The following ZNF2 variants were observed in gnomAD, a reference collection of about 807,000 sequenced individuals.
ZNF2 encodes zinc finger protein 2.
Under a neutral mutation model 21.9 loss-of-function variants are expected in ZNF2, and 12 were observed. That is an observed-to-expected ratio of 0.55 (90% CI 0.35 to 0.89). The LOEUF (loss-of-function observed/expected upper bound fraction) is 0.89. ZNF2 is among the 40% of genes least tolerant of loss of function. The pLI is 0.01. For synonymous variants in ZNF2, 186 were observed against 196.3 expected (o/e 0.95, Z 0.44); for missense variants, 462 against 544.2 (o/e 0.85, Z 1.50).
Position 95,180,319 on chromosome 2 carries a change from G to A in ZNF2, c.274+47G>A, listed in dbSNP as rs745309301. 1.5e-5 allele frequency: 19 copies of A among 1,303,986 alleles called. No individual in the cohort carries two copies. In the Middle Eastern group the frequency reaches 7.4e-4, roughly 51 times the overall value. The allele number at this position is 1,303,986 out of a possible 1,614,324, so 80.8% of individuals were successfully genotyped here. ...AGAATGGAATTTTGTTTGGCTTTTTGTTATTTGGGTGATGGGGGAAATAAC... is the reference window on the plus strand; with the variant it reads ...AGAATGGAATTTTGTTTGGCTTTTTATTATTTGGGTGATGGGGGAAATAAC... On this transcript the variant is annotated intron_variant, in intron 4 of 4. Transcript: ENST00000614034.
In ZNF2 at chr2:95,171,251, T is replaced by G. The variant is rs192400484; in HGVS notation, c.-39-4937T>G. Among the ~76,000 whole-genome samples the G allele has an allele frequency of 4.9e-3, 752 of 152,280 alleles. 6 individuals carry two copies. Among genetic ancestry groups the G allele is most frequent in the Non-Finnish European group, 7.8e-3 (528 of 68,024 alleles). On this transcript the variant is annotated intron_variant, in intron 1 of 4. Transcript: ENST00000614034. ...CTGTACTCATTGGTTTTCCCTTCAG[T>G]CCTTCTCTGTACCTTATCTCCATGA...
At chr2:95,172,172 A>C (rs555844177) in intron 1 of ZNF2, among the ~76,000 whole-genome samples, 1 of 152,334 alleles carries the variant, frequency 6.6e-6, no homozygotes, top group East Asian at 1.9e-4. Flanking sequence ...GCTAAGTCAC[A>C]TAGGCACCGT....
At position 95,181,662 on chromosome 2, in the gene ZNF2, T is replaced by A; in HGVS notation, c.834T>A (p.Ile278=). The change falls in exon 5 of 5, where the codon ATT becomes ATA. Residue 278 remains isoleucine (I), a synonymous_variant. Coordinates refer to ENST00000614034, the MANE Select transcript of ZNF2 (RefSeq NM_021088.4). ...CATCCCTTACTCGACACCAGAGAAT[T>A]CACACTGGAGAAAGTCCTTATGAAT... ...DRSSLTRHQR[I]HTGESPYECH... is the part of the protein sequence containing the mutation. The A allele has an allele frequency of 6.2e-7, 1 of 1,614,178 alleles. No homozygotes were observed.
Position 95,181,988 on chromosome 2 carries a change from A to C in ZNF2, c.1160A>C (p.His387Pro). The C allele has an allele frequency of 6.2e-7, 1 of 1,614,290 alleles. No homozygotes were observed. Among genetic ancestry groups the C allele is most frequent in the Non-Finnish European group, 8.5e-7 (1 of 1,180,056 alleles). Residue 387 changes from histidine to proline, a missense_variant, in exon 5 of 5, where the codon CAT (histidine) becomes CCT (proline). Physicochemically the swap from His to Pro is moderately conservative, Grantham distance 77 (BLOSUM62 -2). Coordinates refer to ENST00000614034, the MANE Select transcript of ZNF2 (RefSeq NM_021088.4). ...AFSQRCRLTR[H>P]QRVHTGEKPF... Reference sequence around the variant, plus strand: ...AGCCAGCGGTGCCGGCTCACGCGGCATCAGCGTGTCCACACGGGAGAGAAG... The same window carrying C: ...AGCCAGCGGTGCCGGCTCACGCGGCCTCAGCGTGTCCACACGGGAGAGAAG...
intron 3 of ZNF2, 115 bp downstream of exon 3, chr2:95,177,724 AAAGT>A (rs1674496730): frequency 7.5e-7 from 1 of 1,340,884 alleles, no homozygotes; most frequent in Non-Finnish European, 1.0e-6. Flanking sequence ...CCTGAGAGAT[AAAGT>A]AAGAGTCGAA....
intron 1 of ZNF2, among the ~76,000 whole-genome samples, chr2:95,167,115 T>C (rs1176954539): frequency 6.6e-6 from 1 of 152,214 alleles, no homozygotes; most frequent in Non-Finnish European, 1.5e-5. Flanking sequence ...ACAGCAATTT[T>C]AGTGGTTGGA....
At chr2:95,171,509 A>G (rs145796636) in intron 1 of ZNF2, among the ~76,000 whole-genome samples, 2,856 of 151,802 alleles carry the variant, frequency 0.019, 45 homozygotes, top group Non-Finnish European at 0.029. Context: ...CAGCCTCCCA[A>G]GTAGCTGGGA....
At chr2:95,167,523 A>AG (rs1283876490) in intron 1 of ZNF2, among the ~76,000 whole-genome samples, 2 of 150,946 alleles carry the variant, frequency 1.3e-5, no homozygotes, top group East Asian at 1.9e-4. Context: ...AAAAAAAAAA[A>AG]AAAGAAAGAA....
chr2:95,177,600 G>A lies in ZNF2; in HGVS notation c.151G>A (p.Val51Met), dbSNP rs755355546. ...GATGCTGGAGAACTATAACAGCATTGTGTCATTGGGTAAGGGGAGCCTCCA... is the reference window on the plus strand; with the variant it reads ...GATGCTGGAGAACTATAACAGCATTATGTCATTGGGTAAGGGGAGCCTCCA... ...EVMLENYNSI[V>M]SLGLPVPQPD... The change falls in exon 3 of 5, where the codon GTG (valine) becomes ATG (methionine). Residue 51 changes from valine (V) to methionine (M), a missense_variant. Transcript: ENST00000614034. The A allele has an allele frequency of 6.2e-7, 1 of 1,613,624 alleles. No individual in the cohort carries two copies. The highest frequency in any genetic ancestry group is 1.3e-5 in the African/African-American group (1 of 74,916).
chr2:95,181,429 T>G lies in ZNF2; in HGVS notation c.601T>G (p.Tyr201Asp). ...GAGGACTCACACTGGGGAGAAGCCC[T>G]ACGACTGCCGCGAGTGTGGGAAAGC... ...HQRTHTGEKP[Y>D]DCRECGKAFS... The change falls in exon 5 of 5, where the codon TAC becomes GAC. Residue 201 changes from tyrosine (Y) to aspartate (D), a missense_variant. Tyr to Asp is a radical substitution (Grantham distance 160, BLOSUM62 -3). Coordinates refer to ENST00000614034, the MANE Select transcript of ZNF2 (RefSeq NM_021088.4). 3 of 1,614,194 alleles carry G rather than the reference T, an allele frequency of 1.9e-6. No individual in the cohort carries two copies. The highest frequency in any genetic ancestry group is 1.7e-6 in the Non-Finnish European group (2 of 1,180,018).
chr2:95,180,550 C>T (rs1329107481), intron 4 of ZNF2, among the ~76,000 whole-genome samples: 1 of 149,676 alleles, frequency 6.7e-6, no homozygotes, highest in Non-Finnish European at 1.5e-5. Context: ...CGCTCTGTTG[C>T]CCAGGCTGGA....
chr2:95,171,522 A>G (rs1674270020), intron 1 of ZNF2, among the ~76,000 whole-genome samples: 1 of 151,832 alleles, frequency 6.6e-6, no homozygotes, highest in Middle Eastern at 3.4e-3. Context: ...AGCTGGGATT[A>G]CAGGTGCCTG....
Position 95,181,520 on chromosome 2 carries a change from G to A in ZNF2, c.692G>A (p.Cys231Tyr). Residue 231 changes from cysteine (C) to tyrosine (Y), a missense_variant, in exon 5 of 5, where the codon TGC (cysteine) becomes TAC (tyrosine). Cys to Tyr is a radical substitution (Grantham distance 194). Coordinates refer to ENST00000614034, the MANE Select transcript of ZNF2 (RefSeq NM_021088.4). ...MSHTGESPYE[C>Y]SVCSKAFFDR... Reference sequence around the variant, plus strand: ...CACACTGGGGAGAGCCCCTACGAGTGCAGTGTGTGCTCAAAAGCCTTCTTT... The same window carrying A: ...CACACTGGGGAGAGCCCCTACGAGTACAGTGTGTGCTCAAAAGCCTTCTTT... The A allele has an allele frequency of 6.2e-7, 1 of 1,614,232 alleles. No individual in the cohort carries two copies. Among genetic ancestry groups the A allele is most frequent in the South Asian group, 1.1e-5 (1 of 91,086 alleles).
rs1033019188 is a variant in ZNF2, at chr2:95,182,738, C to T, written c.*632C>T. 2.0e-5 allele frequency: 3 copies of T among 152,684 alleles called. No individual in the cohort carries two copies. The highest frequency in any genetic ancestry group is 7.2e-5 in the African/African-American group (3 of 41,460). The allele number at this position is 152,684 out of a possible 1,614,324, so 9.5% of individuals were successfully genotyped here. ...CCTGAGGTTTAGAGAGATTAAATCA[C>T]TTGCCCAAGGTGAACCAGCTGGTAA... On this transcript the variant is annotated 3_prime_UTR_variant, in exon 5 of 5. Coordinates refer to ENST00000614034, the MANE Select transcript of ZNF2 (RefSeq NM_021088.4).
chr2:95,171,289 T>C (rs887486844), intron 1 of ZNF2, among the ~76,000 whole-genome samples: 30 of 152,134 alleles, frequency 2.0e-4, no homozygotes, highest in Non-Finnish European at 3.7e-4. Flanking sequence ...GGCATCGTTA[T>C]CCATGCCGCA....
intron 3 of ZNF2, among the ~76,000 whole-genome samples, chr2:95,179,686 C>T (rs566055493): frequency 1.3e-5 from 2 of 152,334 alleles, no homozygotes; most frequent in Admixed American, 6.5e-5. Flanking sequence ...TCCTGGCCTC[C>T]GTCCAGAGGT....
intron 1 of ZNF2, 149 bp from the exon 2 acceptor site, chr2:95,176,039 G>A: frequency 1.3e-6 from 1 of 752,552 alleles, no homozygotes; most frequent in Non-Finnish European, 2.3e-6. Context: ...GTCTGGGATT[G>A]TTCCTGGCTT....
In ZNF2 at chr2:95,182,709, G is replaced by C. The variant is rs1182387821; in HGVS notation, c.*603G>C. 6.5e-6 allele frequency: 1 copy of C among 152,828 alleles called. No individual in the cohort carries two copies. The highest frequency in any genetic ancestry group is 1.5e-5 in the Non-Finnish European group (1 of 68,224). The allele number at this position is 152,828 out of a possible 1,614,324, so 9.5% of individuals were successfully genotyped here. ...TGTTACCATCTGCATCTCCAGATGA[G>C]CACCCTGAGGTTTAGAGAGATTAAA... On this transcript the variant is annotated 3_prime_UTR_variant, in exon 5 of 5. Coordinates refer to ENST00000614034, the MANE Select transcript of ZNF2 (RefSeq NM_021088.4).
In ZNF2 at chr2:95,181,402, C is replaced by T; in HGVS notation, c.574C>T (p.Gln192Ter). ...FFDHSSLTRH[Q>*]RTHTGEKPYD... ...TGACCACTCATCCCTCACCCGCCAT[C>T]AGAGGACTCACACTGGGGAGAAGCC... Residue 192 changes from glutamine (Q) to a stop codon, truncating the protein, a stop_gained, in exon 5 of 5, where the codon CAG (glutamine) becomes TAG (stop). Transcript: ENST00000614034. LOFTEE classifies it high-confidence loss of function. The T allele has an allele frequency of 6.2e-7, 1 of 1,614,218 alleles. No individual in the cohort carries two copies. Among genetic ancestry groups the T allele is most frequent in the Non-Finnish European group, 8.5e-7 (1 of 1,180,034 alleles).
Sources: gnomAD v4.1 joint callset for allele counts (sites outside exome capture counted in the v4.1 genomes callset) on GRCh38, gnomAD v4.1.1 for gene constraint, MANE v1.5 for transcripts, NCBI Gene and HGNC (gene_info 2026-07-23, HGNC 2026-07-21) for gene names.